Variants in KNDC1 observed in about 807,000 individuals in gnomAD.
The protein encoded by KNDC1 is kinase non-catalytic C-lobe domain containing 1, also known as kinase non-catalytic C-lobe domain-containing protein 1.
In KNDC1, 106 loss-of-function variants were observed where a neutral mutation model predicts 172.8. That is an observed-to-expected ratio of 0.61 (90% CI 0.52 to 0.72). The LOEUF (loss-of-function observed/expected upper bound fraction) is 0.72. KNDC1 is among the 30% of genes least tolerant of loss of function. KNDC1 has a pLI of 0.00. For synonymous variants in KNDC1, 1,083 were observed against 1,062.2 expected, an observed-to-expected ratio of 1.02 and a Z score of -0.38; for missense variants, 2,325 against 2,394.5, an observed-to-expected ratio of 0.97 and a Z score of 0.61.
At chr10:133,200,837 C>T (rs188173110) in intron 16 of KNDC1, among the ~76,000 whole-genome samples, 32 of 152,288 alleles carry the variant, frequency 2.1e-4, no homozygotes, top group Non-Finnish European at 4.1e-4. Context: ...GCCTGTGAGC[C>T]GGGGCTTTGG....
At chr10:133,218,798 G>C in intron 26 of KNDC1, 33 bp from the exon 27 acceptor site, 1 of 1,602,360 alleles carries the variant, frequency 6.2e-7, no homozygotes, top group Non-Finnish European at 8.5e-7. Context: ...TCTTAAACCA[G>C]AAGACGCTGA....
Position 133,211,731 on chromosome 10 carries a change from G to C in KNDC1, c.4109G>C (p.Gly1370Ala). ...CACCTGCTGGGCCTCCTGGAGGTGGGCATGGACCGGCGGGCCGAGGGCAAC... is the reference window on the plus strand; with the variant it reads ...CACCTGCTGGGCCTCCTGGAGGTGGCCATGGACCGGCGGGCCGAGGGCAAC... ...AKHLLGLLEV[G>A]MDRRAEGNPR... Residue 1370 changes from glycine to alanine, a missense_variant, in exon 23 of 30, where the codon GGC becomes GCC. Transcript: ENST00000304613. 6.2e-7 allele frequency: 1 copy of C among 1,609,580 alleles called. No homozygotes were observed. Among genetic ancestry groups the C allele is most frequent in the Non-Finnish European group, 8.5e-7 (1 of 1,178,458 alleles).
At chr10:133,190,315 C>T (rs898274616) in intron 9 of KNDC1, among the ~76,000 whole-genome samples, 5 of 145,942 alleles carry the variant, frequency 3.4e-5, no homozygotes, top group Non-Finnish European at 7.4e-5. Flanking sequence ...ATTAAACACC[C>T]TGCAGTAAGC....
chr10:133,191,948 C>T (rs1343127117), intron 9 of KNDC1, among the ~76,000 whole-genome samples: 1 of 152,194 alleles, frequency 6.6e-6, no homozygotes, highest in East Asian at 1.9e-4. Context: ...GACCTTCCTT[C>T]CCTGCAGCGT....
At chr10:133,196,965 C>A in intron 10 of KNDC1, 93 bp from the exon 11 acceptor site, 1 of 986,634 alleles carries the variant, frequency 1.0e-6, no homozygotes, top group Non-Finnish European at 1.6e-6. Context: ...TCCTGGCAGC[C>A]CTGAGCTTTT....
Position 133,206,669 on chromosome 10 carries a change from T to C in KNDC1, c.3388-16T>C. On this transcript the variant is annotated splice_polypyrimidine_tract_variant and intron_variant, in intron 17 of 29. Transcript: ENST00000304613. ...TTGGGGCTGCCTGGGGCTTAGGCGC[T>C]GTGTTTCGTCCCCAGGAGCTGGAAC... 1 of 1,610,908 alleles carries C rather than the reference T, an allele frequency of 6.2e-7. No homozygotes were observed. The highest frequency in any genetic ancestry group is 8.5e-7 in the Non-Finnish European group (1 of 1,177,524).
At chr10:133,172,591 T>G (rs1351265639) in intron 3 of KNDC1, among the ~76,000 whole-genome samples, 1 of 152,226 alleles carries the variant, frequency 6.6e-6, no homozygotes, top group African/African-American at 2.4e-5. Context: ...TTCTTTGTCC[T>G]GTTTATTTAA....
chr10:133,202,044 G>T, intron 17 of KNDC1, 146 bp downstream of exon 17: 4 of 930,412 alleles, frequency 4.3e-6, no homozygotes, highest in Non-Finnish European at 6.7e-6. Flanking sequence ...CCCCGTGGCT[G>T]TCAAGATGGT....
intron 12 of KNDC1, 98 bp downstream of exon 12, chr10:133,197,866 C>T (rs1363826686): frequency 1.1e-5 from 11 of 992,566 alleles, no homozygotes; most frequent in East Asian, 4.8e-5. Flanking sequence ...GGGCACCTCT[C>T]GGAAACCCGG....
chr10:133,183,917 T>C lies in KNDC1; in HGVS notation c.553T>C (p.Cys185Arg). 6.2e-7 allele frequency: 1 copy of C among 1,604,478 alleles called. No homozygotes were observed. The highest frequency in any genetic ancestry group is 8.5e-7 in the Non-Finnish European group (1 of 1,172,732). ...AGAGAAGCTGCAGCTCACATCCTCC[T>C]GTCGCGTGTGCCGGAGCCTCTCTGC... The part of the protein sequence containing the change: ...CEEKLQLTSS[C>R]RVCRSLSAVG... The change falls in exon 5 of 30, where the codon TGT becomes CGT. Residue 185 changes from cysteine (C) to arginine (R), a missense_variant. Coordinates refer to ENST00000304613, the MANE Select transcript of KNDC1 (RefSeq NM_152643.8).
At chr10:133,179,149 G>A (rs1853641521) in intron 3 of KNDC1, 4 of 152,208 alleles carry the variant, frequency 2.6e-5, no homozygotes, top group African/African-American at 7.2e-5. Flanking sequence ...AAGGCACCCC[G>A]GTCCTTGGGA....
chr10:133,185,384 TG>T (rs1329755819), intron 5 of KNDC1, among the ~76,000 whole-genome samples: 7 of 133,668 alleles, frequency 5.2e-5, no homozygotes, highest in South Asian at 2.5e-4. Context: ...GAGTAGGCAG[TG>T]TGTACAGTGT....
rs758788182 is a variant in KNDC1 at position 133,224,801 on chromosome 10, A to G, written c.5161A>G (p.Ser1721Gly). The G allele has an allele frequency of 6.2e-7, 1 of 1,614,144 alleles. No homozygotes were observed. Among genetic ancestry groups the G allele is most frequent in the South Asian group, 1.1e-5 (1 of 91,090 alleles). ...GADISTLAAD[S>G]RANFHQVSSE... ...CGACATTTCCACACTCGCCGCAGAT[A>G]GCAGGGCCAACTTCCACCAGGTCTC... Residue 1721 changes from serine (S) to glycine (G), a missense_variant, in exon 30 of 30, where the codon AGC (serine) becomes GGC (glycine). Coordinates refer to ENST00000304613, the MANE Select transcript of KNDC1 (RefSeq NM_152643.8). This position sits in a 1 kb window ranked among gnomAD's most constrained non-coding sequence, Gnocchi z 5.4.
chr10:133,201,933 A>T (rs778808190), intron 17 of KNDC1, 35 bp downstream of exon 17: 1 of 1,522,532 alleles, frequency 6.6e-7, no homozygotes, highest in South Asian at 1.2e-5. Flanking sequence ...CGGGTGGGGC[A>T]GGGCGTCTCC....
intron 9 of KNDC1, among the ~76,000 whole-genome samples, chr10:133,192,995 C>T (rs1324066215): frequency 1.3e-5 from 2 of 152,030 alleles, no homozygotes; most frequent in Non-Finnish European, 2.9e-5. Flanking sequence ...CACCAGGACA[C>T]ATCATAGTCA....
At position 133,202,946 on chromosome 10, in the gene KNDC1, C is replaced by A. The variant is rs1315180880; in HGVS notation, c.3387+1048C>A. ...GCCGGCACAGCAAACACCAAACGAC[C>A]CGGCCCCCAAACGCAGGGAGTCCAG... On this transcript the variant is annotated intron_variant, in intron 17 of 29. Coordinates refer to ENST00000304613, the MANE Select transcript of KNDC1 (RefSeq NM_152643.8). 3.3e-5 allele frequency among the ~76,000 whole-genome samples: 5 copies of A among 152,226 alleles called. No homozygotes were observed. In the South Asian group the frequency reaches 1.0e-3, roughly 32 times the overall value.
At position 133,197,060 on chromosome 10, in the gene KNDC1, G is replaced by A. The variant is rs1312929902; in HGVS notation, c.1737G>A (p.Val579=). 3.7e-6 allele frequency: 6 copies of A among 1,612,804 alleles called. No individual in the cohort carries two copies. Among genetic ancestry groups the A allele is most frequent in the East Asian group, 2.2e-5 (1 of 44,880 alleles). The change falls in exon 11 of 30, where the codon GTG becomes GTA. Residue 579 remains valine, a splice_region_variant and synonymous_variant. Coordinates refer to ENST00000304613, the MANE Select transcript of KNDC1 (RefSeq NM_152643.8). ...TGTGAACTGTCTCCTCCCTCCAGGT[G>A]TGCGGCAGCTACCTCCTCCAGCGAG... is the stretch of plus-strand genomic sequence containing the variant. ...ERPSAAEAIK[V]CGSYLLQRGM...
intron 11 of KNDC1, 136 bp from the exon 12 acceptor site, chr10:133,197,539 T>G (rs1011876561): frequency 1.4e-6 from 1 of 728,024 alleles, no homozygotes; most frequent in Non-Finnish European, 2.4e-6. Context: ...GCTTGGGCCG[T>G]GTGGCCGCCA....
At chr10:133,212,142 TCA>T (rs370100277) in intron 23 of KNDC1, among the ~76,000 whole-genome samples, 27 of 151,732 alleles carry the variant, frequency 1.8e-4, no homozygotes, top group African/African-American at 5.6e-4. Context: ...ACGTGCACCT[TCA>T]CACAGCCATA....
Sources: allele counts gnomAD v4.1 joint callset (sites outside exome capture counted in the v4.1 genomes callset), GRCh38; gene constraint gnomAD v4.1.1; non-coding constraint Gnocchi (gnomAD v3.1); transcripts MANE v1.5; gene names NCBI Gene and HGNC (gene_info 2026-07-23, HGNC 2026-07-21).